Variants in MACROD2 observed in about 807,000 individuals in gnomAD.
MACROD2 encodes ADP-ribose glycohydrolase MACROD2.
A neutral mutation model predicts 70.4 loss-of-function variants in MACROD2; 36 were observed. The observed-to-expected ratio is 0.51, with a 90% confidence interval of 0.39 to 0.68. MACROD2 has a LOEUF of 0.68. MACROD2 is among the 30% of genes least tolerant of loss of function. The pLI is 0.00. For synonymous variants in MACROD2, 172 were observed against 178.8 expected, an observed-to-expected ratio of 0.96 and a Z score of 0.30; for missense variants, 496 against 538.4, an observed-to-expected ratio of 0.92 and a Z score of 0.78.
chr20:15,410,364 A>G (rs897479469), intron 6 of MACROD2, among the ~76,000 whole-genome samples: 3 of 152,194 alleles, frequency 2.0e-5, no homozygotes, highest in African/African-American at 7.2e-5. Context: ...AGATTTAAAA[A>G]ACCAATCATG....
chr20:15,069,938 T>C (rs1405809308), intron 5 of MACROD2, among the ~76,000 whole-genome samples: 1 of 152,150 alleles, frequency 6.6e-6, no homozygotes, highest in Admixed American at 6.5e-5. Context: ...GTTGCCACCC[T>C]CTAGACAAGA....
chr20:14,094,338 A>G (rs1335873190), intron 3 of MACROD2, among the ~76,000 whole-genome samples: 1 of 152,190 alleles, frequency 6.6e-6, no homozygotes. Flanking sequence ...AGAGCAGACA[A>G]ATAGAATCAA....
chr20:16,000,138 C>T (rs753298801), intron 15 of MACROD2, among the ~76,000 whole-genome samples: 2 of 152,128 alleles, frequency 1.3e-5, no homozygotes, highest in Non-Finnish European at 2.9e-5. Flanking sequence ...ACATTTACTA[C>T]CTGGCCCTTT....
At chr20:14,872,256 A>G (rs79816551) in intron 5 of MACROD2, among the ~76,000 whole-genome samples, 3,206 of 152,242 alleles carry the variant, frequency 0.021, 49 homozygotes, top group Middle Eastern at 0.061. Flanking sequence ...GTTGGCAGAA[A>G]GGGAAAGAGG....
At chr20:15,185,646 G>C (rs907922451) in intron 5 of MACROD2, among the ~76,000 whole-genome samples, 1 of 152,080 alleles carries the variant, frequency 6.6e-6, no homozygotes, top group African/African-American at 2.4e-5. Context: ...CGACTTAGAT[G>C]GTCTGATAAC....
intron 10 of MACROD2, among the ~76,000 whole-genome samples, chr20:15,922,266 G>A (rs566012510): frequency 6.6e-6 from 1 of 152,260 alleles, no homozygotes; most frequent in Admixed American, 6.5e-5. Flanking sequence ...CAGAAATATA[G>A]CATGAGTTAC....
intron 6 of MACROD2, among the ~76,000 whole-genome samples, chr20:15,427,642 C>T (rs528870661): frequency 8.0e-4 from 122 of 152,272 alleles, no homozygotes; most frequent in African/African-American, 2.8e-3. Flanking sequence ...AACTCTGAAG[C>T]TGGAAGGACC....
chr20:15,501,968 T>C (rs1260166225), intron 8 of MACROD2, among the ~76,000 whole-genome samples: 1 of 152,226 alleles, frequency 6.6e-6, no homozygotes, highest in East Asian at 1.9e-4. Context: ...ACTTATTCAT[T>C]AATTCACTCA....
chr20:14,254,193 A>G (rs147113688), intron 3 of MACROD2, among the ~76,000 whole-genome samples: 43 of 152,154 alleles, frequency 2.8e-4, no homozygotes, highest in African/African-American at 9.9e-4. Flanking sequence ...TTTGTGGTAT[A>G]TTGAGGATTT....
intron 4 of MACROD2, among the ~76,000 whole-genome samples, chr20:14,541,673 G>T (rs1331709192): frequency 6.6e-6 from 1 of 151,974 alleles, no homozygotes; most frequent in Non-Finnish European, 1.5e-5. Flanking sequence ...AGGGAATGGT[G>T]TCTATAAAAC....
intron 5 of MACROD2, among the ~76,000 whole-genome samples, chr20:14,910,100 G>A (rs972102862): frequency 2.0e-5 from 3 of 152,164 alleles, no homozygotes; most frequent in Non-Finnish European, 4.4e-5. Context: ...TTTTGAGAAT[G>A]TTTGAACTGG....
intron 8 of MACROD2, among the ~76,000 whole-genome samples, chr20:15,842,100 T>C (rs1390270718): frequency 1.3e-5 from 2 of 152,094 alleles, no homozygotes; most frequent in Non-Finnish European, 2.9e-5. Flanking sequence ...ACTCTATTCC[T>C]GGGGCCATAG....
At chr20:14,281,481 A>C (rs1001762246) in intron 3 of MACROD2, among the ~76,000 whole-genome samples, 12 of 152,234 alleles carry the variant, frequency 7.9e-5, no homozygotes, top group Admixed American at 6.5e-4. Context: ...CAAAATATCT[A>C]GAATTAGATA....
At chr20:14,192,256 T>C (rs2081395397) in intron 3 of MACROD2, among the ~76,000 whole-genome samples, 1 of 152,158 alleles carries the variant, frequency 6.6e-6, no homozygotes, top group Non-Finnish European at 1.5e-5. Context: ...AACCTAAACA[T>C]TTCTTGAGGA....
chr20:14,978,969 G>C (rs2074771875), intron 5 of MACROD2, among the ~76,000 whole-genome samples: 1 of 143,584 alleles, frequency 7.0e-6, no homozygotes, highest in Non-Finnish European at 1.5e-5. Context: ...ATATATTTAA[G>C]AGACAGGGCC....
At chr20:15,177,076 AC>A (rs1279352349) in intron 5 of MACROD2, among the ~76,000 whole-genome samples, 3 of 152,030 alleles carry the variant, frequency 2.0e-5, no homozygotes, top group African/African-American at 4.8e-5. Context: ...CAGTGACCAG[AC>A]CCTGCACTCA....
intron 8 of MACROD2, among the ~76,000 whole-genome samples, chr20:15,695,884 A>G (rs954741106): frequency 1.3e-5 from 2 of 152,100 alleles, no homozygotes; most frequent in Non-Finnish European, 2.9e-5. Flanking sequence ...ATTTGTGTAC[A>G]TTAATCTTGT....
chr20:14,409,388 T>C (rs2083725264), intron 3 of MACROD2, among the ~76,000 whole-genome samples: 1 of 151,862 alleles, frequency 6.6e-6, no homozygotes, highest in Non-Finnish European at 1.5e-5. Context: ...GTATTCAGAA[T>C]ATCATTTTAT....
chr20:15,918,500 T>G (rs547261093), intron 10 of MACROD2, among the ~76,000 whole-genome samples: 18 of 152,088 alleles, frequency 1.2e-4, no homozygotes, highest in African/African-American at 4.3e-4. Flanking sequence ...ATTTGGGGGT[T>G]TTCATAAGAA....
Sources: gnomAD v4.1 joint callset for allele counts (sites outside exome capture counted in the v4.1 genomes callset) on GRCh38, gnomAD v4.1.1 for gene constraint, MANE v1.5 for transcripts, NCBI Gene and HGNC (gene_info 2026-07-23, HGNC 2026-07-21) for gene names.